KCNU1: variants seen among roughly 807,000 people sequenced by gnomAD.
KCNU1 encodes potassium channel subfamily U member 1.
Under a neutral mutation model 126.8 loss-of-function variants are expected in KCNU1, and 93 were observed. The observed-to-expected ratio is 0.73, with a 90% CI of 0.62 to 0.87. The LOEUF (loss-of-function observed/expected upper bound fraction) is 0.87, where lower values mean the gene tolerates loss of function less well. Among genes scored for constraint, KCNU1 ranks in the 40% least tolerant of loss-of-function variants. KCNU1 has a pLI of 0.00. For synonymous variants in KCNU1, 523 were observed against 494.2 expected, an observed-to-expected ratio of 1.06 and a Z score of -0.77; for missense variants, 1,330 against 1,367.1, an observed-to-expected ratio of 0.97 and a Z score of 0.43.
intron 2 of KCNU1, among the ~76,000 whole-genome samples, chr8:36,793,793 C>G (rs532328945): frequency 6.6e-6 from 1 of 152,086 alleles, no homozygotes; most frequent in Non-Finnish European, 1.5e-5. Context: ...TAGTGGCTCA[C>G]GCCTGTAATC....
At chr8:36,836,987 T>C (rs763262155) in intron 14 of KCNU1, 42 bp downstream of exon 14, 5 of 1,598,156 alleles carry the variant, frequency 3.1e-6, no homozygotes, top group South Asian at 1.1e-5. Context: ...TCTGTTCCTA[T>C]GTCCTACATA....
rs183086077 is a variant in KCNU1, at chr8:36,793,957, G to A, written c.315+6532G>A. On this transcript the variant is annotated intron_variant, in intron 2 of 26. Transcript: ENST00000399881. The stretch of plus-strand genomic sequence containing the variant: ...TAATCCCAGCTACTCAGGAGGCTGA[G>A]GCAGGAGAATCACTTGAACCTGGGC... Among the ~76,000 whole-genome samples the A allele has an allele frequency of 5.1e-3, 769 of 151,556 alleles. 4 individuals carry two copies. Among genetic ancestry groups the A allele is most frequent in the Admixed American group, 7.0e-3 (107 of 15,226 alleles).
chr8:36,854,264 A>T (rs1285897888), intron 18 of KCNU1, among the ~76,000 whole-genome samples: 2 of 151,874 alleles, frequency 1.3e-5, no homozygotes, highest in Non-Finnish European at 2.9e-5. Context: ...ATGTTTTTCA[A>T]CCACTTTGAG....
chr8:36,915,842 T>C (rs1449653747), intron 22 of KCNU1, among the ~76,000 whole-genome samples: 1 of 152,174 alleles, frequency 6.6e-6, no homozygotes, highest in African/African-American at 2.4e-5. Flanking sequence ...TGAAAATATT[T>C]TGTATTTGCA....
At chr8:36,916,265 AAAGG>A (rs1008825377) in intron 22 of KCNU1, among the ~76,000 whole-genome samples, 14 of 148,792 alleles carry the variant, frequency 9.4e-5, no homozygotes, top group East Asian at 2.0e-4. Context: ...CAAAGGAAGG[AAAGG>A]AAGGAAGGAA....
At chr8:36,833,052 G>A (rs1251398788) in intron 10 of KCNU1, among the ~76,000 whole-genome samples, 2 of 152,126 alleles carry the variant, frequency 1.3e-5, no homozygotes, top group African/African-American at 2.4e-5. Flanking sequence ...GTAATGTGTT[G>A]AGGCTTTCAT....
Position 36,804,048 on chromosome 8 carries a change from A to T in KCNU1, c.337A>T (p.Ser113Cys). ...TCAGGTGATCCTTGTCTTTGTACTA[A>T]GCATTGGGTCTCTTATAATCTATTT... ...QVLVILVFVL[S>C]IGSLIIYFIN... Residue 113 changes from serine (S) to cysteine (C), a missense_variant, in exon 3 of 27, where the codon AGC becomes TGC. Coordinates refer to ENST00000399881, the MANE Select transcript of KCNU1 (RefSeq NM_001031836.3). 1 of 1,559,770 alleles carries T rather than the reference A, an allele frequency of 6.4e-7. No homozygotes were observed. Among genetic ancestry groups the T allele is most frequent in the East Asian group, 2.3e-5 (1 of 42,870 alleles).
Position 36,805,217 on chromosome 8 carries a change from T to C in KCNU1, c.400T>C (p.Tyr134His), listed in dbSNP as rs1260135688. The change falls in exon 4 of 27, where the codon TAT (tyrosine) becomes CAT (histidine). Residue 134 changes from tyrosine (Y) to histidine (H), a missense_variant. By Grantham distance (83) the Tyr-to-His change is moderately conservative (BLOSUM62 2). Around this residue, in one of 3 missense-constraint regions of KCNU1, gnomAD observed 247 missense variants for 255.4 expected, o/e 0.97. Transcript: ENST00000399881. ...CAGCCCTGTTGGAAGCTGTTCATCA[T>C]ATGAAGACAAAACCATTCCTATTGA... The part of the protein sequence containing the change: ...SADPVGSCSS[Y>H]EDKTIPIDLV... 1.2e-6 allele frequency: 2 copies of C among 1,610,730 alleles called. No homozygotes were observed. The highest frequency in any genetic ancestry group is 1.7e-6 in the Non-Finnish European group (2 of 1,177,936).
chr8:36,863,984 A>T (rs562934822), intron 18 of KCNU1, among the ~76,000 whole-genome samples: 59 of 152,194 alleles, frequency 3.9e-4, no homozygotes, highest in Non-Finnish European at 6.8e-4. Flanking sequence ...AAGAAAACAT[A>T]AAGCAAAAGG....
chr8:36,793,752 T>C (rs1802987903), intron 2 of KCNU1, among the ~76,000 whole-genome samples: 1 of 152,158 alleles, frequency 6.6e-6, no homozygotes, highest in Admixed American at 6.5e-5. Context: ...AGAGCCTCTT[T>C]TATTCTTAAA....
At chr8:36,903,113 G>C (rs766951845) in intron 19 of KCNU1, among the ~76,000 whole-genome samples, 1 of 151,978 alleles carries the variant, frequency 6.6e-6, no homozygotes, top group African/African-American at 2.4e-5. Context: ...CTAGTATCCC[G>C]TTCCCCCTAC....
chr8:36,877,746 C>T (rs1162829414), intron 19 of KCNU1, among the ~76,000 whole-genome samples: 1 of 152,126 alleles, frequency 6.6e-6, no homozygotes, highest in Non-Finnish European at 1.5e-5. Context: ...TTGAGGGATG[C>T]ATAAAAAATG....
intron 18 of KCNU1, among the ~76,000 whole-genome samples, chr8:36,859,963 C>T (rs1437242844): frequency 1.3e-5 from 2 of 152,030 alleles, no homozygotes; most frequent in South Asian, 2.1e-4. Flanking sequence ...ATTATGCCAC[C>T]CATGGGAGCA....
intron 16 of KCNU1, among the ~76,000 whole-genome samples, chr8:36,842,144 TTCA>T (rs1804980276): frequency 6.6e-6 from 1 of 152,216 alleles, no homozygotes; most frequent in South Asian, 2.1e-4. Flanking sequence ...TGGATAAGGA[TTCA>T]TCATTTGTAG....
At chr8:36,929,003 G>A in intron 24 of KCNU1, 1 of 699,800 alleles carries the variant, frequency 1.4e-6, no homozygotes, top group East Asian at 2.7e-5. Flanking sequence ...TTAGCAATGT[G>A]TGCAGTATAT....
At chr8:36,910,507 C>A in intron 21 of KCNU1, among the ~76,000 whole-genome samples, 1 of 152,298 alleles carries the variant, frequency 6.6e-6, no homozygotes. Context: ...TGCTAGTTAA[C>A]CCAGAGAGTA....
chr8:36,841,030 AG>A, intron 16 of KCNU1, 27 bp downstream of exon 16: 55 of 816,102 alleles, frequency 6.7e-5, no homozygotes, highest in Non-Finnish European at 9.5e-5. Flanking sequence ...TCATCTCTTC[AG>A]TTGTTTTTTT....
rs1213535525 is a variant in KCNU1, at chr8:36,903,605, T to C, written c.2010-2103T>C. Among the ~76,000 whole-genome samples, 3 of 152,174 alleles carry C rather than the reference T, an allele frequency of 2.0e-5. No homozygotes were observed. The East Asian group carries it at 5.8e-4, about 29-fold the overall frequency. ...AGTTGTGAAACACTGGATTATACAA[T>C]TTTTAAAGGATTTCTATATTGCAGA... is the stretch of plus-strand genomic sequence containing the variant. On this transcript the variant is annotated intron_variant, in intron 19 of 26. Coordinates refer to ENST00000399881, the MANE Select transcript of KCNU1 (RefSeq NM_001031836.3).
chr8:36,851,917 A>G (rs1174827020), intron 18 of KCNU1, among the ~76,000 whole-genome samples: 1 of 152,158 alleles, frequency 6.6e-6, no homozygotes, highest in Non-Finnish European at 1.5e-5. Context: ...ACCTTCTTAA[A>G]TAGAAGTAGT....
Sources: gnomAD v4.1 joint callset for allele counts (sites outside exome capture counted in the v4.1 genomes callset) on GRCh38, gnomAD v4.1.1 for gene constraint, gnomAD v4.1.1 regional missense constraint, MANE v1.5 for transcripts, NCBI Gene and HGNC (gene_info 2026-07-23, HGNC 2026-07-21) for gene names.